ADGRB3: variants seen among roughly 807,000 people sequenced by gnomAD.
ADGRB3 encodes the protein brain-specific angiogenesis inhibitor 3.
Under a neutral mutation model 193.4 loss-of-function variants are expected in ADGRB3, and 37 were observed. That is an observed-to-expected ratio of 0.19 (90% CI 0.15 to 0.25). The LOEUF (loss-of-function observed/expected upper bound fraction) is 0.25, where lower values mean the gene tolerates loss of function less well. Ranked by LOEUF, ADGRB3 falls within the 10% of genes least tolerant of loss-of-function variation. The probability of loss-of-function intolerance (pLI) is 1.00; values close to 1 mark genes in which losing one functional copy is unlikely to be tolerated. For synonymous variants in ADGRB3, 690 were observed against 644.2 expected, an observed-to-expected ratio of 1.07 and a Z score of -1.08; for missense variants, 1,637 against 1,852.9, an observed-to-expected ratio of 0.88 and a Z score of 2.14.
At position 68,935,345 on chromosome 6, in the gene ADGRB3, T is replaced by A. The variant is rs377282755; in HGVS notation, c.869-1174T>A. Among the ~76,000 whole-genome samples the A allele has an allele frequency of 3.9e-5, 6 of 152,354 alleles. No individual in the cohort carries two copies. The East Asian group carries it at 7.7e-4, about 20-fold the overall frequency. ...AGCACTAGTTTGTGGACCAGCTGCC[T>A]TGAGTAGCACTGCAAATAATTTTCA... On this transcript the variant is annotated intron_variant, in intron 4 of 31. Transcript: ENST00000370598.
At chr6:69,251,999 C>T (rs1184374710) in intron 20 of ADGRB3, among the ~76,000 whole-genome samples, 2 of 152,186 alleles carry the variant, frequency 1.3e-5, no homozygotes, top group East Asian at 3.9e-4. Context: ...GTAACCAATA[C>T]CTGATCAAGA....
At chr6:68,963,150 G>C (rs952426029) in intron 8 of ADGRB3, among the ~76,000 whole-genome samples, 1 of 152,146 alleles carries the variant, frequency 6.6e-6, no homozygotes, top group Non-Finnish European at 1.5e-5. Flanking sequence ...CTTCCAGTAA[G>C]GGAGGAGCAG....
chr6:69,005,859 A>G (rs1438190140), intron 11 of ADGRB3, among the ~76,000 whole-genome samples: 1 of 152,116 alleles, frequency 6.6e-6, no homozygotes, highest in Admixed American at 6.5e-5. Flanking sequence ...ACTCTAGATC[A>G]TATTCTTCTT....
intron 3 of ADGRB3, among the ~76,000 whole-genome samples, chr6:68,719,774 G>A (rs1228158587): frequency 6.6e-6 from 1 of 151,028 alleles, no homozygotes; most frequent in African/African-American, 2.4e-5. Flanking sequence ...TGATGATTTG[G>A]CATCAATTCA....
At chr6:69,000,271 A>T (rs991756682) in intron 11 of ADGRB3, among the ~76,000 whole-genome samples, 2 of 152,248 alleles carry the variant, frequency 1.3e-5, no homozygotes, top group Non-Finnish European at 2.9e-5. Context: ...CAGACACTGA[A>T]TTAACAAATA....
intron 19 of ADGRB3, among the ~76,000 whole-genome samples, chr6:69,235,618 T>C (rs535036810): frequency 1.3e-5 from 2 of 152,074 alleles, no homozygotes; most frequent in Non-Finnish European, 2.9e-5. Flanking sequence ...ACTAACATAA[T>C]ACCAATATAT....
intron 17 of ADGRB3, among the ~76,000 whole-genome samples, chr6:69,182,716 G>A (rs1467426963): frequency 6.6e-6 from 1 of 151,982 alleles, no homozygotes; most frequent in African/African-American, 2.4e-5. Context: ...TATAACGATT[G>A]GTAAGCTGGT....
chr6:68,761,435 A>C (rs1766392698), intron 3 of ADGRB3, among the ~76,000 whole-genome samples: 1 of 151,328 alleles, frequency 6.6e-6, no homozygotes, highest in Non-Finnish European at 1.5e-5. Flanking sequence ...TTGAACCTAA[A>C]TTAGGCTTCT....
At chr6:69,325,097 G>A in intron 21 of ADGRB3, 75 bp downstream of exon 21, 1 of 1,478,640 alleles carries the variant, frequency 6.8e-7, no homozygotes, top group African/African-American at 1.4e-5. Flanking sequence ...AGTCATGAGT[G>A]ATTAGACACA....
At chr6:69,080,062 TC>T (rs1772344253) in intron 17 of ADGRB3, among the ~76,000 whole-genome samples, 1 of 152,046 alleles carries the variant, frequency 6.6e-6, no homozygotes, top group Admixed American at 6.6e-5. Context: ...CTAATTTCTC[TC>T]CTTTGCTTCC....
intron 3 of ADGRB3, among the ~76,000 whole-genome samples, chr6:68,704,535 T>C (rs1765293443): frequency 6.6e-6 from 1 of 152,182 alleles, no homozygotes; most frequent in Admixed American, 6.5e-5. Context: ...ATTCTGATAT[T>C]TTCCCCTTCT....
At chr6:69,214,592 T>C (rs1270652174) in intron 17 of ADGRB3, among the ~76,000 whole-genome samples, 2 of 151,918 alleles carry the variant, frequency 1.3e-5, no homozygotes, top group Non-Finnish European at 2.9e-5. Context: ...CAAATCTACT[T>C]AGGTTTAAAA....
At chr6:69,207,577 C>T (rs1010989005) in intron 17 of ADGRB3, among the ~76,000 whole-genome samples, 1 of 152,172 alleles carries the variant, frequency 6.6e-6, no homozygotes, top group Admixed American at 6.5e-5. Flanking sequence ...ATAAGAGAAA[C>T]AGTACCATAT....
intron 17 of ADGRB3, among the ~76,000 whole-genome samples, chr6:69,099,015 GA>G (rs1486877412): frequency 1.3e-5 from 2 of 152,174 alleles, no homozygotes; most frequent in African/African-American, 4.8e-5. Context: ...ATATGTGTGT[GA>G]AATTTTGATA....
At chr6:69,324,604 C>A (rs929784722) in intron 20 of ADGRB3, among the ~76,000 whole-genome samples, 1 of 152,074 alleles carries the variant, frequency 6.6e-6, no homozygotes, top group African/African-American at 2.4e-5. Flanking sequence ...ATTTTAATCT[C>A]CCTTGAGTTC....
At chr6:69,089,949 T>G (rs1181171866) in intron 17 of ADGRB3, among the ~76,000 whole-genome samples, 1 of 152,224 alleles carries the variant, frequency 6.6e-6, no homozygotes, top group East Asian at 1.9e-4. Context: ...GGGGAACTTG[T>G]TGAAAATTCA....
At chr6:69,358,149 C>G (rs1166516752) in intron 28 of ADGRB3, among the ~76,000 whole-genome samples, 1 of 151,924 alleles carries the variant, frequency 6.6e-6, no homozygotes, top group African/African-American at 2.4e-5. Context: ...TGTCTTTCCT[C>G]TAACAGCTGT....
At chr6:69,347,222 G>A (rs925781033) in intron 26 of ADGRB3, among the ~76,000 whole-genome samples, 1 of 152,104 alleles carries the variant, frequency 6.6e-6, no homozygotes, top group Non-Finnish European at 1.5e-5. Flanking sequence ...TGGGGGCCTA[G>A]GGGAGGGATA....
At chr6:69,347,531 T>A (rs924402088) in intron 26 of ADGRB3, among the ~76,000 whole-genome samples, 1 of 152,104 alleles carries the variant, frequency 6.6e-6, no homozygotes, top group Non-Finnish European at 1.5e-5. Flanking sequence ...CCTAGCACTT[T>A]TTTTGGGAGC....
Sources: allele counts gnomAD v4.1 joint callset (sites outside exome capture counted in the v4.1 genomes callset), GRCh38; gene constraint gnomAD v4.1.1; transcripts MANE v1.5; gene names NCBI Gene and HGNC (gene_info 2026-07-23, HGNC 2026-07-21).